Variants in SCN11A observed in about 807,000 individuals in gnomAD.
SCN11A encodes the protein sodium voltage-gated channel alpha subunit 11.
Under a neutral mutation model 162.2 loss-of-function variants are expected in SCN11A, and 122 were observed. That is an observed-to-expected ratio of 0.75 (90% CI 0.65 to 0.87). SCN11A has a LOEUF of 0.87. Ranked by LOEUF, SCN11A falls within the 40% of genes least tolerant of loss-of-function variation. SCN11A has a pLI of 0.00. For missense variants in SCN11A, 2,015 were observed against 2,181.6 expected (o/e 0.92, Z 1.52); for synonymous variants, 758 against 751.5 (o/e 1.01, Z -0.14).
chr3:38,971,877 G>T (rs550110335), intron 2 of SCN11A, among the ~76,000 whole-genome samples: 20 of 152,102 alleles, frequency 1.3e-4, no homozygotes, highest in Non-Finnish European at 2.2e-4. Flanking sequence ...AAAAGATGTT[G>T]GATGGGAGAA....
At chr3:38,888,511 T>C (rs937823138) in intron 19 of SCN11A, among the ~76,000 whole-genome samples, 5 of 152,146 alleles carry the variant, frequency 3.3e-5, no homozygotes, top group Admixed American at 2.0e-4. Flanking sequence ...TGAATTCACT[T>C]GAGAAAAAGA....
intron 1 of SCN11A, among the ~76,000 whole-genome samples, chr3:39,040,863 G>C (rs2032034884): frequency 6.6e-6 from 1 of 152,076 alleles, no homozygotes; most frequent in Non-Finnish European, 1.5e-5. Context: ...CGGATCATGA[G>C]GTCAGGAGAT....
intron 22 of SCN11A, among the ~76,000 whole-genome samples, chr3:38,881,436 A>G (rs111497852): frequency 1.2e-4 from 18 of 152,322 alleles, no homozygotes; most frequent in African/African-American, 4.1e-4. Flanking sequence ...GAAGCTTACC[A>G]GTAAGCTGGT....
intron 4 of SCN11A, among the ~76,000 whole-genome samples, chr3:38,952,137 A>G (rs1212795349): frequency 1.3e-5 from 2 of 152,142 alleles, no homozygotes; most frequent in African/African-American, 2.4e-5. Flanking sequence ...CTCCAGACGC[A>G]CTGCCTTAAG....
At chr3:38,938,452 G>T (rs2125565574) in intron 7 of SCN11A, among the ~76,000 whole-genome samples, 1 of 130,762 alleles carries the variant, frequency 7.6e-6, no homozygotes, top group South Asian at 2.7e-4. Flanking sequence ...TTTAGAAAAT[G>T]TTATGTCCTA....
chr3:38,974,341 A>G (rs1334001567), intron 2 of SCN11A, among the ~76,000 whole-genome samples: 2 of 152,214 alleles, frequency 1.3e-5, no homozygotes, highest in Non-Finnish European at 2.9e-5. Flanking sequence ...AATATGGCAC[A>G]GGAATACAAA....
At chr3:38,950,555 A>C in intron 4 of SCN11A, 186 bp from the exon 5 acceptor site, 1 of 604,572 alleles carries the variant, frequency 1.7e-6, no homozygotes, top group Non-Finnish European at 2.9e-6. Flanking sequence ...CTGTGGGTAT[A>C]GCAGGAACTT....
chr3:39,037,437 C>A (rs1490193725), intron 1 of SCN11A, among the ~76,000 whole-genome samples: 2 of 151,994 alleles, frequency 1.3e-5, no homozygotes, highest in Non-Finnish European at 2.9e-5. Flanking sequence ...TGACTACAGT[C>A]ATTTATAATT....
At chr3:38,872,100 G>T in intron 24 of SCN11A, 93 bp downstream of exon 24, 2 of 807,836 alleles carry the variant, frequency 2.5e-6, no homozygotes, top group Non-Finnish European at 4.3e-6. Context: ...GAAAAGCTTG[G>T]CAATTTAAGG....
At chr3:38,850,343 C>T in intron 29 of SCN11A, 138 bp downstream of exon 29, 1 of 730,978 alleles carries the variant, frequency 1.4e-6, no homozygotes, top group South Asian at 1.8e-5. Context: ...GGCATTAGTA[C>T]CCCTGTCTAT....
intron 2 of SCN11A, among the ~76,000 whole-genome samples, chr3:39,008,470 A>C (rs2031037204): frequency 6.6e-6 from 1 of 152,208 alleles, no homozygotes; most frequent in Non-Finnish European, 1.5e-5. Flanking sequence ...TTTTGGTGAA[A>C]GGAGACACCC....
chr3:39,025,421 A>C (rs2031563481), intron 2 of SCN11A, among the ~76,000 whole-genome samples: 1 of 152,214 alleles, frequency 6.6e-6, no homozygotes, highest in South Asian at 2.1e-4. Flanking sequence ...ACAGCACAGG[A>C]CGCGCAGCTG....
chr3:39,044,238 G>A (rs2032131401), intron 1 of SCN11A, among the ~76,000 whole-genome samples: 1 of 152,086 alleles, frequency 6.6e-6, no homozygotes, highest in African/African-American at 2.4e-5. Flanking sequence ...TTAAGTTGGG[G>A]ATTTCAATAC....
chr3:38,872,325 C>CA, intron 23 of SCN11A, 31 bp from the exon 24 acceptor site: 1 of 1,204,762 alleles, frequency 8.3e-7, no homozygotes, highest in Non-Finnish European at 1.2e-6. Flanking sequence ...AGATAATGTA[C>CA]CTGACTTGGT....
intron 5 of SCN11A, among the ~76,000 whole-genome samples, chr3:38,949,607 C>T (rs927748827): frequency 2.0e-5 from 3 of 152,094 alleles, no homozygotes; most frequent in Admixed American, 6.5e-5. Flanking sequence ...CATTTCTGGA[C>T]CATGATATTA....
At chr3:39,000,700 C>T (rs1017151828) in intron 2 of SCN11A, among the ~76,000 whole-genome samples, 1 of 152,136 alleles carries the variant, frequency 6.6e-6, no homozygotes, top group African/African-American at 2.4e-5. Flanking sequence ...CTACCTAGCA[C>T]GTTGAAGATA....
intron 1 of SCN11A, among the ~76,000 whole-genome samples, chr3:39,039,001 T>A (rs1482139315): frequency 6.6e-6 from 1 of 152,244 alleles, no homozygotes; most frequent in Non-Finnish European, 1.5e-5. Context: ...ATTTGGTAGA[T>A]CTATCTGTTT....
intron 5 of SCN11A, among the ~76,000 whole-genome samples, chr3:38,949,757 A>G (rs932725061): frequency 1.3e-5 from 2 of 152,236 alleles, no homozygotes; most frequent in Non-Finnish European, 2.9e-5. Flanking sequence ...GCCCAGAGTC[A>G]TAAAGCCAAT....
chr3:38,934,051 G>T (rs2066288067), intron 7 of SCN11A, among the ~76,000 whole-genome samples: 1 of 152,240 alleles, frequency 6.6e-6, no homozygotes, highest in Non-Finnish European at 1.5e-5. Flanking sequence ...CAAGCCAGAA[G>T]AGAGTGGGGG....
Sources: gnomAD v4.1 joint callset for allele counts (sites outside exome capture counted in the v4.1 genomes callset) on GRCh38, gnomAD v4.1.1 for gene constraint, MANE v1.5 for transcripts, NCBI Gene and HGNC (gene_info 2026-07-23, HGNC 2026-07-21) for gene names.